SKAP2: variants seen among roughly 807,000 people sequenced by gnomAD.
SKAP2 encodes the protein src kinase associated phosphoprotein 2, also known as src kinase-associated phosphoprotein 2.
Under a neutral mutation model 54.9 loss-of-function variants are expected in SKAP2, and 28 were observed. The ratio of observed to expected loss-of-function variants is 0.51; its 90% CI spans 0.38 to 0.70. The LOEUF is 0.70. Ranked by LOEUF, SKAP2 falls within the 30% of genes least tolerant of loss-of-function variation. The pLI is 0.00. For synonymous variants in SKAP2, 137 were observed against 134.3 expected (o/e 1.02, Z -0.14); for missense variants, 356 against 424.1 (o/e 0.84, Z 1.41).
intron 9 of SKAP2, among the ~76,000 whole-genome samples, chr7:26,704,873 G>A (rs1190217121): frequency 1.3e-5 from 2 of 152,184 alleles, no homozygotes; most frequent in Non-Finnish European, 2.9e-5. Flanking sequence ...CCCCCTAAAG[G>A]GATAGGTTGA....
intron 11 of SKAP2, among the ~76,000 whole-genome samples, chr7:26,677,714 T>C (rs1016089858): frequency 1.3e-5 from 2 of 152,224 alleles, no homozygotes; most frequent in African/African-American, 2.4e-5. Flanking sequence ...ATTGCTATTA[T>C]CTATTTTATG....
intron 7 of SKAP2, 77 bp downstream of exon 7, chr7:26,726,805 A>G: frequency 8.5e-7 from 1 of 1,176,382 alleles, no homozygotes; most frequent in East Asian, 2.6e-5. Context: ...GAAAGTATTA[A>G]TCAAATGTTA....
intron 9 of SKAP2, among the ~76,000 whole-genome samples, chr7:26,722,712 T>C (rs888883203): frequency 6.6e-6 from 1 of 152,096 alleles, no homozygotes; most frequent in African/African-American, 2.4e-5. Flanking sequence ...CCCAGCCCAT[T>C]GCAATTTTTA....
chr7:26,720,066 A>G, intron 9 of SKAP2, among the ~76,000 whole-genome samples: 1 of 126,612 alleles, frequency 7.9e-6, no homozygotes, highest in Admixed American at 7.9e-5. Flanking sequence ...ACACACACAC[A>G]CACACACACA....
rs1229193702 is a variant in SKAP2, at chr7:26,669,141, CAAT to C, written c.*522_*524del. The stretch of plus-strand genomic sequence containing the variant: ...TTAAATGTGTGAAAATAAATAATAA[CAAT>C]AAAGTTATCTATAAAGTTTGAACAT... On this transcript the variant is annotated 3_prime_UTR_variant, in exon 13 of 13. Transcript: ENST00000345317. 5 of 152,140 alleles carry C rather than the reference CAAT, an allele frequency of 3.3e-5. No individual in the cohort carries two copies. Among genetic ancestry groups the C allele is most frequent in the African/African-American group, 9.6e-5 (4 of 41,516 alleles). 9.4% of individuals were successfully genotyped at this position (152,140 alleles called of 1,614,324 possible). A position where few individuals can be genotyped will look rare whatever the true frequency, so the allele number is the denominator to read the frequency against.
chr7:26,732,795 C>T (rs1213937159), intron 6 of SKAP2, among the ~76,000 whole-genome samples: 2 of 152,152 alleles, frequency 1.3e-5, no homozygotes, highest in African/African-American at 4.8e-5. Flanking sequence ...TGAAATATAT[C>T]TCTGGGGTTT....
intron 4 of SKAP2, among the ~76,000 whole-genome samples, chr7:26,834,214 A>G (rs953272939): frequency 6.6e-6 from 1 of 152,252 alleles, no homozygotes; most frequent in Non-Finnish European, 1.5e-5. Flanking sequence ...GGAAATTTAT[A>G]GCACTAAATC....
intron 4 of SKAP2, among the ~76,000 whole-genome samples, chr7:26,752,986 A>C (rs1782717573): frequency 6.6e-6 from 1 of 152,242 alleles, no homozygotes; most frequent in South Asian, 2.1e-4. Flanking sequence ...GGTAACTGAA[A>C]GGATTATAAA....
At chr7:26,804,498 T>C (rs1562617340) in intron 4 of SKAP2, among the ~76,000 whole-genome samples, 2 of 152,254 alleles carry the variant, frequency 1.3e-5, no homozygotes, top group East Asian at 1.9e-4. Flanking sequence ...CCCAGCACTT[T>C]GGGAGGCCAA....
At chr7:26,776,391 T>C (rs191356123) in intron 4 of SKAP2, among the ~76,000 whole-genome samples, 1 of 152,272 alleles carries the variant, frequency 6.6e-6, no homozygotes, top group East Asian at 1.9e-4. Context: ...GCCTAAATGT[T>C]TTATCTTCTA....
chr7:26,762,615 A>C (rs2127971483), intron 4 of SKAP2, among the ~76,000 whole-genome samples: 1 of 152,238 alleles, frequency 6.6e-6, no homozygotes, highest in Non-Finnish European at 1.5e-5. Flanking sequence ...AGGCGGGCAG[A>C]TCACGAAGTC....
chr7:26,777,622 T>C (rs1783340237), intron 4 of SKAP2, among the ~76,000 whole-genome samples: 1 of 152,150 alleles, frequency 6.6e-6, no homozygotes, highest in Non-Finnish European at 1.5e-5. Flanking sequence ...AGGTCACCAA[T>C]GTGGGAATAT....
At chr7:26,682,209 T>TTACA (rs1786518855) in intron 11 of SKAP2, among the ~76,000 whole-genome samples, 1 of 152,210 alleles carries the variant, frequency 6.6e-6, no homozygotes, top group African/African-American at 2.4e-5. Context: ...ACTTACAGTC[T>TTACA]GAGTTTGCCA....
At chr7:26,698,302 C>A (rs1470981892) in intron 9 of SKAP2, among the ~76,000 whole-genome samples, 1 of 152,186 alleles carries the variant, frequency 6.6e-6, no homozygotes, top group Non-Finnish European at 1.5e-5. Flanking sequence ...TCCCTTATAC[C>A]AGCAGTGCTT....
intron 11 of SKAP2, 42 bp downstream of exon 11, chr7:26,684,694 G>T: frequency 7.9e-7 from 1 of 1,264,622 alleles, no homozygotes; most frequent in Non-Finnish European, 1.2e-6. Flanking sequence ...ATCGAGCTTT[G>T]TATTCCCTCT....
rs1783330828 is a variant in SKAP2, at chr7:26,777,234, T to C, written c.308-37270A>G. On this transcript the variant is annotated intron_variant, in intron 4 of 12. Coordinates refer to ENST00000345317, the MANE Select transcript of SKAP2 (RefSeq NM_003930.5). ...TCCAGAGGATGACACTCAAATACCC[T>C]CCTGAATACGACAGAAAAAGACATG... is the stretch of plus-strand genomic sequence containing the variant. Among the ~76,000 whole-genome samples, 7 of 152,106 alleles carry C rather than the reference T, an allele frequency of 4.6e-5. No homozygotes were observed. In the South Asian group the frequency reaches 1.4e-3, roughly 31 times the overall value.
chr7:26,855,401 A>G (rs1485921785), intron 1 of SKAP2, among the ~76,000 whole-genome samples: 1 of 152,086 alleles, frequency 6.6e-6, no homozygotes. Flanking sequence ...TAAAGGAAAA[A>G]GTAAATCCAC....
intron 4 of SKAP2, among the ~76,000 whole-genome samples, chr7:26,744,211 A>C (rs1027708636): frequency 1.3e-5 from 2 of 152,192 alleles, no homozygotes; most frequent in African/African-American, 4.8e-5. Context: ...AATATACTTA[A>C]GAAATAAGTT....
chr7:26,796,711 C>A (rs1783788608), intron 4 of SKAP2, among the ~76,000 whole-genome samples: 1 of 152,176 alleles, frequency 6.6e-6, no homozygotes, highest in East Asian at 1.9e-4. Flanking sequence ...TTCTTAATAA[C>A]ATTTCTCTAG....
Sources: allele counts gnomAD v4.1 joint callset (sites outside exome capture counted in the v4.1 genomes callset), GRCh38; gene constraint gnomAD v4.1.1; transcripts MANE v1.5; gene names NCBI Gene and HGNC (gene_info 2026-07-23, HGNC 2026-07-21).